The following RGS9 variants were observed in gnomAD, a reference collection of about 807,000 sequenced individuals.
RGS9 encodes the protein regulator of G-protein signalling 9.
In RGS9, 78 loss-of-function variants were observed where a neutral mutation model predicts 102.0. The ratio of observed to expected loss-of-function variants is 0.76; its 90% confidence interval spans 0.64 to 0.92. RGS9 has a LOEUF of 0.92. Among genes scored for constraint, RGS9 ranks in the 40% least tolerant of loss-of-function variants. The pLI is 0.00. For missense variants in RGS9, 833 were observed against 866.1 expected, an observed-to-expected ratio of 0.96 and a Z score of 0.48; for synonymous variants, 353 against 318.6, an observed-to-expected ratio of 1.11 and a Z score of -1.15.
rs1244331226 is a variant in RGS9 at position 65,183,107 on chromosome 17, T to TCTATCTAC, written c.654+5307_654+5308insTCTACCTA. Among the ~76,000 whole-genome samples the TCTATCTAC allele has an allele frequency of 5.8e-5, 7 of 120,346 alleles. No homozygotes were observed. The East Asian group carries it at 7.7e-4, about 13-fold the overall frequency. The allele number at this position is 120,346 out of a possible 152,430, so 79.0% of individuals were successfully genotyped here. ...ATCTATCTATCTATCTATCTATCTA[T>TCTATCTAC]CTACCTACCTACCTACATACCTATC... On this transcript the variant is annotated intron_variant, in intron 9 of 18. Coordinates refer to ENST00000262406, the MANE Select transcript of RGS9 (RefSeq NM_003835.4).
intron 3 of RGS9, among the ~76,000 whole-genome samples, chr17:65,159,662 T>G (rs1207413904): frequency 1.3e-5 from 2 of 152,200 alleles, no homozygotes; most frequent in African/African-American, 4.8e-5. Context: ...AAGTTTGTCC[T>G]TTAATTGATA....
Position 65,208,525 on chromosome 17 carries a change from A to G in RGS9, c.1289+518A>G, listed in dbSNP as rs575957247. ...GAACTTGTTCATTCTCACTTTTCTC[A>G]TTGGAGATGTGGATCATCTCATCTG... On this transcript the variant is annotated intron_variant, in intron 16 of 18. Coordinates refer to ENST00000262406, the MANE Select transcript of RGS9 (RefSeq NM_003835.4). Among the ~76,000 whole-genome samples, 9 of 152,294 alleles carry G rather than the reference A, an allele frequency of 5.9e-5. No individual in the cohort carries two copies. In the East Asian group the frequency reaches 1.7e-3, roughly 29 times the overall value.
chr17:65,215,550 T>TTTG (rs1913492181), intron 17 of RGS9, among the ~76,000 whole-genome samples: 1 of 118,348 alleles, frequency 8.4e-6, no homozygotes, highest in Non-Finnish European at 1.7e-5. Flanking sequence ...CTTTCTTTTT[T>TTTG]TTTGTTTTGA....
chr17:65,144,796 A>G (rs1047846878), intron 1 of RGS9, among the ~76,000 whole-genome samples: 1 of 152,216 alleles, frequency 6.6e-6, no homozygotes, highest in Non-Finnish European at 1.5e-5. Flanking sequence ...GATTGAATAT[A>G]GGACACAGAG....
intron 1 of RGS9, among the ~76,000 whole-genome samples, chr17:65,150,662 C>T (rs1432129535): frequency 6.6e-6 from 1 of 152,138 alleles, no homozygotes; most frequent in Non-Finnish European, 1.5e-5. Flanking sequence ...GAGTCCTTCT[C>T]TCCTGCCCAG....
intron 8 of RGS9, among the ~76,000 whole-genome samples, chr17:65,175,393 T>C (rs1427703051): frequency 1.3e-5 from 2 of 152,172 alleles, no homozygotes; most frequent in Non-Finnish European, 2.9e-5. Context: ...AGAACCCTTT[T>C]TGGCAAAGGC....
At chr17:65,171,855 G>T (rs1033577559) in intron 8 of RGS9, among the ~76,000 whole-genome samples, 1 of 152,250 alleles carries the variant, frequency 6.6e-6, no homozygotes, top group East Asian at 1.9e-4. Context: ...AATGAACAAA[G>T]GGAGAAAGTG....
chr17:65,212,215 T>A (rs1287176996), intron 17 of RGS9, among the ~76,000 whole-genome samples: 1 of 152,230 alleles, frequency 6.6e-6, no homozygotes, highest in East Asian at 1.9e-4. Flanking sequence ...AGACTCTACC[T>A]CTTTAGTGAG....
At chr17:65,146,364 C>T (rs916015041) in intron 1 of RGS9, among the ~76,000 whole-genome samples, 5 of 151,870 alleles carry the variant, frequency 3.3e-5, no homozygotes, top group Admixed American at 2.0e-4. Flanking sequence ...CCAAGGTGGG[C>T]GGATCACGAG....
chr17:65,226,665 TGC>T (rs1905697770), intron 18 of RGS9, among the ~76,000 whole-genome samples: 1 of 150,606 alleles, frequency 6.6e-6, no homozygotes, highest in African/African-American at 2.5e-5. Context: ...CAAGCTGGAG[TGC>T]AGTGGTGTAA....
intron 15 of RGS9, 98 bp downstream of exon 15, chr17:65,204,399 G>A (rs564155065): frequency 5.6e-6 from 8 of 1,422,320 alleles, no homozygotes; most frequent in East Asian, 5.0e-5. Context: ...GAGAGGATAC[G>A]TGGATAGAGC....
chr17:65,226,614 G>T (rs1905692243), intron 18 of RGS9, among the ~76,000 whole-genome samples: 1 of 147,218 alleles, frequency 6.8e-6, no homozygotes, highest in Admixed American at 6.6e-5. Context: ...TGTTTGTCTG[G>T]GTGTTTTTTT....
chr17:65,181,132 G>A lies in RGS9; in HGVS notation c.654+3329G>A, dbSNP rs533603047. On this transcript the variant is annotated intron_variant, in intron 9 of 18. Transcript: ENST00000262406. ...ATAGGCATGCATGTGTCTTTATGAC[G>A]GAATGATTTATATCCCTTTGGGTAT... 5.3e-5 allele frequency among the ~76,000 whole-genome samples: 8 copies of A among 152,282 alleles called. No individual in the cohort carries two copies. In the South Asian group the frequency reaches 6.2e-4, roughly 12 times the overall value.
intron 1 of RGS9, among the ~76,000 whole-genome samples, chr17:65,152,411 G>A (rs1910613283): frequency 6.6e-6 from 1 of 152,228 alleles, no homozygotes; most frequent in African/African-American, 2.4e-5. Context: ...GAGTCAAGTG[G>A]TCCTTGCAGT....
intron 7 of RGS9, among the ~76,000 whole-genome samples, 162 bp downstream of exon 7, chr17:65,163,251 T>C (rs1007654910): frequency 6.6e-6 from 1 of 150,804 alleles, no homozygotes; most frequent in Non-Finnish European, 1.5e-5. Context: ...CTCGGCTCAC[T>C]GCAACCTCCG....
At chr17:65,166,254 A>T (rs950060702) in intron 7 of RGS9, among the ~76,000 whole-genome samples, 1 of 152,202 alleles carries the variant, frequency 6.6e-6, no homozygotes, top group Non-Finnish European at 1.5e-5. Context: ...ACAAAATCCC[A>T]TCTAGCTTCA....
chr17:65,146,126 C>T (rs954035100), intron 1 of RGS9, among the ~76,000 whole-genome samples: 1 of 152,114 alleles, frequency 6.6e-6, no homozygotes, highest in African/African-American at 2.4e-5. Flanking sequence ...AACTTTCTAT[C>T]AGAGAAACTC....
At chr17:65,212,597 T>C (rs2144113207) in intron 17 of RGS9, among the ~76,000 whole-genome samples, 1 of 152,204 alleles carries the variant, frequency 6.6e-6, no homozygotes, top group African/African-American at 2.4e-5. Flanking sequence ...CTGTGCAAGA[T>C]GAGTTTAGAG....
At chr17:65,224,470 G>A (rs1257337538) in intron 17 of RGS9, among the ~76,000 whole-genome samples, 2 of 152,234 alleles carry the variant, frequency 1.3e-5, no homozygotes, top group Non-Finnish European at 2.9e-5. Flanking sequence ...TGGTCACTGT[G>A]GATACTGGGC....
Sources: gnomAD v4.1 joint callset for allele counts (sites outside exome capture counted in the v4.1 genomes callset) on GRCh38, gnomAD v4.1.1 for gene constraint, MANE v1.5 for transcripts, NCBI Gene and HGNC (gene_info 2026-07-23, HGNC 2026-07-21) for gene names.